Variants in CTNNA2 observed in about 807,000 individuals in gnomAD.
The protein encoded by CTNNA2 is catenin alpha-2.
Under a neutral mutation model 101.0 loss-of-function variants are expected in CTNNA2, and 42 were observed. The observed-to-expected ratio is 0.42, with a 90% CI of 0.32 to 0.54. The LOEUF (loss-of-function observed/expected upper bound fraction) is 0.54, where lower values mean the gene tolerates loss of function less well. Among genes scored for constraint, CTNNA2 ranks in the 20% least tolerant of loss-of-function variants. The pLI is 0.14. For missense variants in CTNNA2, 871 were observed against 1,223.1 expected (o/e 0.71, Z 4.29); for synonymous variants, 450 against 456.4 (o/e 0.99, Z 0.18).
At chr2:79,536,983 A>G (rs1673115911) in intron 1 of CTNNA2, among the ~76,000 whole-genome samples, 2 of 152,090 alleles carry the variant, frequency 1.3e-5, no homozygotes, top group Admixed American at 1.3e-4. Context: ...CTGTACTTAC[A>G]TCTGTGTCTC....
intron 7 of CTNNA2, among the ~76,000 whole-genome samples, chr2:79,963,715 A>G (rs1689826689): frequency 6.6e-6 from 1 of 152,196 alleles, no homozygotes; most frequent in African/African-American, 2.4e-5. Flanking sequence ...ACAATGGGCT[A>G]AGTAATTACT....
In CTNNA2 at chr2:80,431,682, C is replaced by T. The variant is rs1226877687; in HGVS notation, c.1290+12081C>T. Among the ~76,000 whole-genome samples the T allele has an allele frequency of 2.0e-5, 3 of 152,148 alleles. No homozygotes were observed. In the East Asian group the frequency reaches 5.8e-4, roughly 29 times the overall value. ...GATCGGCAATATGGAACCCATCACT[C>T]CTTATTGTACTCCCATAACTTAGGT... On this transcript the variant is annotated intron_variant, in intron 9 of 18. Transcript: ENST00000402739.
chr2:79,550,711 G>A (rs887875938), intron 1 of CTNNA2, among the ~76,000 whole-genome samples: 1 of 152,122 alleles, frequency 6.6e-6, no homozygotes, highest in South Asian at 2.1e-4. Flanking sequence ...AGCAGGGTTT[G>A]GATTCCTAGC....
chr2:79,266,607 C>T (rs1674989893), intron 2 of CTNNA2, among the ~76,000 whole-genome samples: 1 of 151,906 alleles, frequency 6.6e-6, no homozygotes, highest in Non-Finnish European at 1.5e-5. Context: ...AATGGGGTTG[C>T]TTTCATGATG....
chr2:79,970,539 G>A (rs574808192), intron 7 of CTNNA2, among the ~76,000 whole-genome samples: 1 of 152,174 alleles, frequency 6.6e-6, no homozygotes, highest in Non-Finnish European at 1.5e-5. Context: ...CTACGGGGCT[G>A]CATGTTTTGC....
rs1238607586 is a variant in CTNNA2 at position 79,867,701 on chromosome 2, T to C, written c.466-2115T>C. ...AGAAAACCACTGAGAAAATAAGTTA[T>C]GTGTAACACCGTAAAATAAGTATTC... On this transcript the variant is annotated intron_variant, in intron 4 of 18. Transcript: ENST00000402739. Among the ~76,000 whole-genome samples, 7 of 152,300 alleles carry C rather than the reference T, an allele frequency of 4.6e-5. No homozygotes were observed. In the South Asian group the frequency reaches 6.2e-4, roughly 14 times the overall value.
At chr2:80,093,015 A>G (rs1244057347) in intron 7 of CTNNA2, among the ~76,000 whole-genome samples, 5 of 151,596 alleles carry the variant, frequency 3.3e-5, no homozygotes, top group African/African-American at 9.7e-5. Context: ...TTTAAATTTT[A>G]TTATTATACT....
chr2:79,394,602 A>G (rs1415294849), intron 4 of CTNNA2, among the ~76,000 whole-genome samples: 2 of 152,182 alleles, frequency 1.3e-5, no homozygotes, highest in Non-Finnish European at 2.9e-5. Flanking sequence ...CCTCTGCCCA[A>G]GGGCATCAAC....
intron 1 of CTNNA2, among the ~76,000 whole-genome samples, chr2:79,619,074 C>T (rs1328813172): frequency 1.3e-5 from 2 of 152,120 alleles, no homozygotes; most frequent in East Asian, 1.9e-4. Context: ...GGCGTGGTGG[C>T]GGGCGCCTAT....
intron 3 of CTNNA2, among the ~76,000 whole-genome samples, chr2:79,773,142 C>T (rs1023247791): frequency 2.0e-5 from 3 of 152,072 alleles, no homozygotes; most frequent in African/African-American, 7.2e-5. Flanking sequence ...CAGCCATAAC[C>T]CATAAACTGG....
intron 7 of CTNNA2, among the ~76,000 whole-genome samples, chr2:79,970,804 C>T (rs1272313403): frequency 7.6e-5 from 11 of 145,176 alleles, no homozygotes; most frequent in East Asian, 6.2e-4. Context: ...TAGGTGTAAA[C>T]GTCTAAAAAA....
At chr2:79,807,140 C>CT (rs985108129) in intron 3 of CTNNA2, among the ~76,000 whole-genome samples, 1 of 152,044 alleles carries the variant, frequency 6.6e-6, no homozygotes, top group African/African-American at 2.4e-5. Flanking sequence ...CTTAAGAACA[C>CT]TTTTTTTAAA....
chr2:79,784,749 C>G (rs1674707787), intron 3 of CTNNA2, among the ~76,000 whole-genome samples: 1 of 122,512 alleles, frequency 8.2e-6, no homozygotes, highest in Non-Finnish European at 1.6e-5. Context: ...TATCATGTAG[C>G]AGAGAATGAA....
chr2:79,718,191 G>A (rs536520949), intron 2 of CTNNA2, among the ~76,000 whole-genome samples: 202 of 152,132 alleles, frequency 1.3e-3, no homozygotes, highest in Non-Finnish European at 2.5e-3. Context: ...TCTTTGATAC[G>A]ACTTTTATTA....
chr2:79,931,345 T>C (rs1357698506), intron 7 of CTNNA2, among the ~76,000 whole-genome samples: 3 of 152,214 alleles, frequency 2.0e-5, no homozygotes, highest in Non-Finnish European at 4.4e-5. Context: ...TTTGTTTTTC[T>C]TTTTCTCCCC....
At position 79,188,933 on chromosome 2, in the gene CTNNA2, A is replaced by G. The variant is rs148643445; in HGVS notation, c.-524+3502A>G. 4.6e-4 allele frequency among the ~76,000 whole-genome samples: 70 copies of G among 152,346 alleles called. No homozygotes were observed. The Middle Eastern group carries it at 0.01, about 22-fold the overall frequency. On this transcript the variant is annotated intron_variant, in intron 1 of 21. Transcript: ENST00000466387. ...AAAGTAGTTCAAAAATCACTAGTGCAGAGATGAACTATAAGCTCTATGTGA... is the reference window on the plus strand; with the variant it reads ...AAAGTAGTTCAAAAATCACTAGTGCGGAGATGAACTATAAGCTCTATGTGA...
At chr2:80,084,243 C>T (rs1006984205) in intron 7 of CTNNA2, among the ~76,000 whole-genome samples, 2 of 152,186 alleles carry the variant, frequency 1.3e-5, no homozygotes, top group African/African-American at 4.8e-5. Flanking sequence ...AACAAGAAAG[C>T]AGGAAGGCAC....
At chr2:79,937,200 CA>C (rs1205490098) in intron 7 of CTNNA2, among the ~76,000 whole-genome samples, 1 of 149,384 alleles carries the variant, frequency 6.7e-6, no homozygotes, top group Non-Finnish European at 1.5e-5. Context: ...CTTTAAACAT[CA>C]ATTTTTGTTT....
intron 7 of CTNNA2, among the ~76,000 whole-genome samples, chr2:80,097,513 T>C (rs1431873089): frequency 6.6e-6 from 1 of 152,158 alleles, no homozygotes; most frequent in East Asian, 1.9e-4. Context: ...GGAGTATCTT[T>C]GTGGCGTTCT....
Sources: allele counts gnomAD v4.1 joint callset (sites outside exome capture counted in the v4.1 genomes callset), GRCh38; gene constraint gnomAD v4.1.1; transcripts MANE v1.5; gene names NCBI Gene and HGNC (gene_info 2026-07-23, HGNC 2026-07-21).